The following TANGO6 variants were observed in gnomAD, a reference collection of about 807,000 sequenced individuals.
TANGO6 encodes the protein transport and golgi organization 6 homolog.
A neutral mutation model predicts 114.2 loss-of-function variants in TANGO6; 90 were observed. The observed-to-expected ratio is 0.79, with a 90% CI of 0.66 to 0.94. The LOEUF (loss-of-function observed/expected upper bound fraction) is 0.94, where lower values mean the gene tolerates loss of function less well. TANGO6 is among the 40% of genes least tolerant of loss of function. The pLI is 0.00. For missense variants in TANGO6, 1,274 were observed against 1,315.3 expected (o/e 0.97, Z 0.49); for synonymous variants, 477 against 509.8 (o/e 0.94, Z 0.87).
chr16:68,893,716 A>G (rs938701743), intron 7 of TANGO6, among the ~76,000 whole-genome samples: 2 of 148,700 alleles, frequency 1.3e-5, no homozygotes, highest in African/African-American at 5.0e-5. Context: ...TGCCTGGGCG[A>G]CAGAGTGAAA....
At chr16:68,843,755 A>C (rs1244733145) in intron 1 of TANGO6, 44 bp downstream of exon 1, 1 of 1,596,444 alleles carries the variant, frequency 6.3e-7, no homozygotes, top group Non-Finnish European at 8.6e-7. Context: ...CGGGACTCTC[A>C]GGGCCGCCCG....
chr16:69,082,158 T>G (rs1960474573), intron 17 of TANGO6, among the ~76,000 whole-genome samples: 2 of 152,202 alleles, frequency 1.3e-5, no homozygotes, highest in African/African-American at 4.8e-5. Flanking sequence ...TAATTTTTTA[T>G]ATTTTTAGCA....
At chr16:68,966,656 G>A (rs761667546) in intron 14 of TANGO6, among the ~76,000 whole-genome samples, 1 of 152,136 alleles carries the variant, frequency 6.6e-6, no homozygotes. Context: ...AAAGGCTTGA[G>A]TGTGGTGGTG....
At chr16:68,882,395 G>A (rs980389856) in intron 7 of TANGO6, among the ~76,000 whole-genome samples, 1 of 152,020 alleles carries the variant, frequency 6.6e-6, no homozygotes, top group Non-Finnish European at 1.5e-5. Context: ...TACTCGGGAG[G>A]CTGAAACAGG....
chr16:68,860,604 A>T, intron 2 of TANGO6, 80 bp downstream of exon 2: 1 of 1,509,934 alleles, frequency 6.6e-7, no homozygotes, highest in Non-Finnish European at 8.9e-7. Context: ...AGTTGTTATA[A>T]AAGGCAACTC....
chr16:68,887,770 TTG>T (rs1197504550), intron 7 of TANGO6, among the ~76,000 whole-genome samples: 1 of 151,946 alleles, frequency 6.6e-6, no homozygotes, highest in Non-Finnish European at 1.5e-5. Context: ...TCCTACCTAC[TTG>T]GGAGGCTGAG....
chr16:68,925,285 G>A (rs1197171156), intron 12 of TANGO6, among the ~76,000 whole-genome samples: 1 of 152,124 alleles, frequency 6.6e-6, no homozygotes, highest in Non-Finnish European at 1.5e-5. Flanking sequence ...ACTCCAGCCT[G>A]AGCAATAGAG....
At chr16:69,000,693 G>T (rs553732143) in intron 15 of TANGO6, among the ~76,000 whole-genome samples, 1 of 151,964 alleles carries the variant, frequency 6.6e-6, no homozygotes, top group Non-Finnish European at 1.5e-5. Flanking sequence ...CCACGTTCAG[G>T]CAATACTCCT....
At chr16:69,076,226 GAATT>G (rs974361076) in intron 17 of TANGO6, among the ~76,000 whole-genome samples, 2 of 149,612 alleles carry the variant, frequency 1.3e-5, no homozygotes, top group African/African-American at 2.5e-5. Flanking sequence ...CGAGTAGCTG[GAATT>G]ACAGGCACCC....
intron 15 of TANGO6, among the ~76,000 whole-genome samples, chr16:68,989,670 G>A (rs544167273): frequency 6.1e-4 from 93 of 152,192 alleles, no homozygotes; most frequent in African/African-American, 2.2e-3. Flanking sequence ...AGAAGTTTTG[G>A]ATTCTGTACT....
chr16:69,080,860 C>T (rs1053961322), intron 17 of TANGO6, among the ~76,000 whole-genome samples: 8 of 152,094 alleles, frequency 5.3e-5, no homozygotes, highest in African/African-American at 1.2e-4. Context: ...TCCTCTAGGC[C>T]GGGCGCGGTG....
In TANGO6 at chr16:68,927,828, A is replaced by G. The variant is rs765755208; in HGVS notation, c.2388A>G (p.Glu796=). The G allele has an allele frequency of 7.4e-6, 12 of 1,614,024 alleles. No homozygotes were observed. The East Asian group carries it at 2.0e-4, about 27-fold the overall frequency. The part of the protein sequence containing the change: ...RPTDVAHSHL[E]QQQSHETAPQ... ...CTGATGTAGCTCATAGCCACCTTGAACAACAGCAGAGCCATGAGACAGCCC... is the reference window on the plus strand; with the variant it reads ...CTGATGTAGCTCATAGCCACCTTGAGCAACAGCAGAGCCATGAGACAGCCC... Residue 796 remains glutamate, a synonymous_variant, in exon 13 of 18, where the codon GAA becomes GAG. Coordinates refer to ENST00000261778, the MANE Select transcript of TANGO6 (RefSeq NM_024562.2).
At chr16:68,968,970 A>T (rs1412868580) in intron 14 of TANGO6, among the ~76,000 whole-genome samples, 1 of 152,028 alleles carries the variant, frequency 6.6e-6, no homozygotes, top group Non-Finnish European at 1.5e-5. Flanking sequence ...GCGCCTGGCC[A>T]CCTAACATTT....
chr16:69,041,682 TCGGCTGCATTTCTC>T (rs889007602), intron 17 of TANGO6, among the ~76,000 whole-genome samples: 3 of 152,320 alleles, frequency 2.0e-5, no homozygotes. Context: ...TGCTTTACCC[TCGGCTGCATTTCTC>T]CCCCTTCTCC....
In TANGO6 at chr16:69,012,442, G is replaced by T. The variant is rs548690224; in HGVS notation, c.2843-10386G>T. On this transcript the variant is annotated intron_variant, in intron 15 of 17. Transcript: ENST00000261778. The stretch of plus-strand genomic sequence containing the variant: ...ATGGTGGCGCATGCCTGTAATCCCA[G>T]CTACTCAAGAGGCTGAGACAGGAGA... 2.0e-4 allele frequency among the ~76,000 whole-genome samples: 31 copies of T among 151,592 alleles called. No individual in the cohort carries two copies. The Middle Eastern group carries it at 0.021, about 100-fold the overall frequency.
chr16:68,988,392 T>A (rs946346356), intron 15 of TANGO6, among the ~76,000 whole-genome samples: 2 of 152,236 alleles, frequency 1.3e-5, no homozygotes, highest in African/African-American at 4.8e-5. Context: ...CAGTTTTCTT[T>A]GCTGGCTCCT....
At chr16:68,958,952 C>A (rs895954703) in intron 14 of TANGO6, among the ~76,000 whole-genome samples, 7 of 152,000 alleles carry the variant, frequency 4.6e-5, no homozygotes, top group African/African-American at 1.7e-4. Flanking sequence ...TTTAAAAAAA[C>A]AAGTGTCCTG....
At chr16:68,934,824 T>C (rs1963284212) in intron 14 of TANGO6, among the ~76,000 whole-genome samples, 1 of 152,216 alleles carries the variant, frequency 6.6e-6, no homozygotes, top group African/African-American at 2.4e-5. Flanking sequence ...CTGTTTGGAA[T>C]AAGCGTCTTA....
At chr16:68,993,991 T>A (rs1361304866) in intron 15 of TANGO6, among the ~76,000 whole-genome samples, 1 of 152,184 alleles carries the variant, frequency 6.6e-6, no homozygotes, top group African/African-American at 2.4e-5. Context: ...CACACTAGGG[T>A]AGAGTCAGTT....
Sources: gnomAD v4.1 joint callset for allele counts (sites outside exome capture counted in the v4.1 genomes callset) on GRCh38, gnomAD v4.1.1 for gene constraint, MANE v1.5 for transcripts, NCBI Gene and HGNC (gene_info 2026-07-23, HGNC 2026-07-21) for gene names.